The following SKA3 variants were observed in gnomAD, a reference collection of about 807,000 sequenced individuals.
SKA3 encodes spindle and kinetochore-associated protein 3.
SKA3 carries 39 observed loss-of-function variants against 44.2 expected under a neutral mutation model. The ratio of observed to expected loss-of-function variants is 0.88; its 90% CI spans 0.68 to 1.15. The LOEUF is 1.15. SKA3 is among the 50% of genes most tolerant of loss of function. The pLI, the probability that SKA3 is intolerant of heterozygous loss-of-function variation, is 0.00. For synonymous variants in SKA3, 192 were observed against 172.0 expected (o/e 1.12, Z -0.91); for missense variants, 511 against 485.8 (o/e 1.05, Z -0.49).
At chr13:21,161,185 G>A (rs1464793771) in intron 5 of SKA3, among the ~76,000 whole-genome samples, 1 of 152,126 alleles carries the variant, frequency 6.6e-6, no homozygotes, top group African/African-American at 2.4e-5. Flanking sequence ...TGAGAGGATT[G>A]CTTGAGCCTG....
At chr13:21,174,803 G>A (rs923053360) in intron 1 of SKA3, among the ~76,000 whole-genome samples, 2 of 151,976 alleles carry the variant, frequency 1.3e-5, no homozygotes, top group Admixed American at 1.3e-4. Flanking sequence ...AAGCGCATTT[G>A]TTCCACATCT....
intron 1 of SKA3, among the ~76,000 whole-genome samples, chr13:21,174,920 T>C (rs1871366196): frequency 1.3e-5 from 2 of 152,102 alleles, no homozygotes; most frequent in African/African-American, 4.8e-5. Flanking sequence ...CTAATGAAAT[T>C]TGCATTTCCT....
chr13:21,155,694 A>G lies in SKA3; in HGVS notation c.1237T>C (p.Ter413ArgextTer11). Residue 413 changes from the stop codon to arginine (R), a stop_lost and splice_region_variant, in exon 8 of 9, where the codon TGA (stop) becomes CGA (arginine). Coordinates refer to ENST00000314759, the MANE Select transcript of SKA3 (RefSeq NM_145061.6). ...NIRDVSNKEN* is the reference protein window; with the variant it reads ...NIRDVSNKENR ...TCTTTACAAAGGTAACATACTCACC[A>G]GTTTTCTTTGTTGCTGACATCTCGG... 6.4e-7 allele frequency: 1 copy of G among 1,555,246 alleles called. No individual in the cohort carries two copies. The highest frequency in any genetic ancestry group is 8.9e-7 in the Non-Finnish European group (1 of 1,127,730).
intron 4 of SKA3, among the ~76,000 whole-genome samples, chr13:21,165,175 A>T (rs960511540): frequency 3.3e-5 from 5 of 152,016 alleles, no homozygotes; most frequent in East Asian, 1.9e-4. Flanking sequence ...TTACTTCAAA[A>T]ATACCTTCAG....
At position 21,155,700 on chromosome 13, in the gene SKA3, CTTT is replaced by C. The variant is rs756268253; in HGVS notation, c.1228_1230del (p.Lys410del). 4.4e-6 allele frequency: 7 copies of C among 1,585,106 alleles called. No individual in the cohort carries two copies. The highest frequency in any genetic ancestry group is 6.1e-6 in the Non-Finnish European group (7 of 1,155,142). ...CAAAGGTAACATACTCACCAGTTTTCTTTGTTGCTGACATCTCGGATGTTCTGT... is the reference window on the plus strand; with the variant it reads ...CAAAGGTAACATACTCACCAGTTTTCGTTGCTGACATCTCGGATGTTCTGT... On this transcript the variant is annotated inframe_deletion, in exon 8 of 9. Transcript: ENST00000314759.
chr13:21,176,294 T>C, intron 1 of SKA3, 81 bp downstream of exon 1: 2 of 1,223,386 alleles, frequency 1.6e-6, no homozygotes, highest in Non-Finnish European at 1.1e-6. Context: ...GCGGTTCCCG[T>C]GGGACATACC....
chr13:21,167,155 T>G (rs1870755645), intron 4 of SKA3, among the ~76,000 whole-genome samples: 1 of 152,190 alleles, frequency 6.6e-6, no homozygotes, highest in African/African-American at 2.4e-5. Context: ...AAAACCAACA[T>G]GTAAACACAT....
At chr13:21,156,532 C>T (rs900893457) in intron 7 of SKA3, among the ~76,000 whole-genome samples, 8 of 152,066 alleles carry the variant, frequency 5.3e-5, no homozygotes, top group African/African-American at 1.9e-4. Flanking sequence ...AGAGATGAAG[C>T]AACCATAGGG....
chr13:21,163,769 G>T (rs542871797), intron 4 of SKA3, among the ~76,000 whole-genome samples: 91 of 152,120 alleles, frequency 6.0e-4, no homozygotes, highest in Middle Eastern at 3.4e-3. Context: ...TTCTTCTGGG[G>T]TTTTTTTGTT....
intron 4 of SKA3, among the ~76,000 whole-genome samples, chr13:21,166,009 G>A (rs1870694619): frequency 1.3e-5 from 2 of 151,940 alleles, no homozygotes; most frequent in Non-Finnish European, 1.5e-5. Context: ...GCTTTTTGGA[G>A]CTTGTTATCT....
chr13:21,166,403 A>G (rs566405504), intron 4 of SKA3, among the ~76,000 whole-genome samples: 2 of 152,296 alleles, frequency 1.3e-5, no homozygotes, highest in South Asian at 2.1e-4. Context: ...AAATTTCCCA[A>G]TACTATAACC....
At position 21,176,386 on chromosome 13, in the gene SKA3, C is replaced by A; in HGVS notation, c.92G>T (p.Gly31Val). Residue 31 changes from glycine (G) to valine (V), a missense_variant, in exon 1 of 9, where the codon GGA becomes GTA. Coordinates refer to ENST00000314759, the MANE Select transcript of SKA3 (RefSeq NM_145061.6). ...CCCGCCTCACGCACCGCTTTCCTCT[C>A]CGTCCAGCGCTCGCTGCAGCCGGGC... ...ETARLQRALD[G>V]EESDFEDYPM... is the part of the protein sequence containing the mutation. 1 of 1,571,644 alleles carries A rather than the reference C, an allele frequency of 6.4e-7. No individual in the cohort carries two copies. Among genetic ancestry groups the A allele is most frequent in the South Asian group, 1.2e-5 (1 of 86,382 alleles).
chr13:21,161,778 T>G lies in SKA3; in HGVS notation c.829+12A>C. The G allele has an allele frequency of 6.2e-7, 1 of 1,602,770 alleles. No homozygotes were observed. The highest frequency in any genetic ancestry group is 1.3e-5 in the African/African-American group (1 of 74,718). ...AAATGTTCCTGAGAAGTAACTTGAT[T>G]CTTATACTTACCACTTTTTTCCAAC... On this transcript the variant is annotated intron_variant, in intron 5 of 8. Coordinates refer to ENST00000314759, the MANE Select transcript of SKA3 (RefSeq NM_145061.6).
chr13:21,160,043 G>A, intron 5 of SKA3, 56 bp from the exon 6 acceptor site: 1 of 1,286,604 alleles, frequency 7.8e-7, no homozygotes, highest in African/African-American at 1.5e-5. Flanking sequence ...TGCTTAACTG[G>A]ACAGGAAGAA....
intron 7 of SKA3, among the ~76,000 whole-genome samples, chr13:21,156,131 G>A (rs1447581997): frequency 6.8e-6 from 1 of 147,618 alleles, no homozygotes; most frequent in Non-Finnish European, 1.5e-5. Flanking sequence ...AGGTTGCAGT[G>A]AGCTGAGATC....
chr13:21,162,736 AAT>A (rs1870506682), intron 4 of SKA3, among the ~76,000 whole-genome samples: 1 of 152,134 alleles, frequency 6.6e-6, no homozygotes, highest in African/African-American at 2.4e-5. Context: ...TATACAAAAG[AAT>A]ATATATGTTG....
rs1869971683 is a variant in SKA3, at chr13:21,154,311, T to G, written c.*839A>C. The G allele has an allele frequency of 6.6e-6, 1 of 152,304 alleles. No homozygotes were observed. Among genetic ancestry groups the G allele is most frequent in the Non-Finnish European group, 1.5e-5 (1 of 68,118 alleles). 9.4% of individuals were successfully genotyped at this position (152,304 alleles called of 1,614,324 possible). Reference sequence around the variant, plus strand: ...AAGGATCGTAGGCCTGATAAGCAGGTCAACCTGAAGCTACCAGGCAGCTCT... The same window carrying G: ...AAGGATCGTAGGCCTGATAAGCAGGGCAACCTGAAGCTACCAGGCAGCTCT... On this transcript the variant is annotated 3_prime_UTR_variant, in exon 9 of 9. Transcript: ENST00000314759.
rs746308159 is a variant in SKA3, at chr13:21,176,412, C to G, written c.66G>C (p.Thr22=). ...RSLASTLDCE[T]ARLQRALDGE... ...CGTCCAGCGCTCGCTGCAGCCGGGC[C>G]GTCTCGCAGTCCAGCGTGCTGGCCA... is the stretch of plus-strand genomic sequence containing the variant. Residue 22 remains threonine (T), a synonymous_variant, in exon 1 of 9, where the codon ACG becomes ACC. Coordinates refer to ENST00000314759, the MANE Select transcript of SKA3 (RefSeq NM_145061.6). 6.3e-7 allele frequency: 1 copy of G among 1,583,634 alleles called. No homozygotes were observed.
In SKA3 at chr13:21,168,101, C is replaced by A. The variant is rs147994613; in HGVS notation, c.630G>T (p.Met210Ile). Residue 210 changes from methionine to isoleucine, a missense_variant, in exon 4 of 9, where the codon ATG becomes ATT. Met to Ile is a conservative substitution (Grantham distance 10). Transcript: ENST00000314759. ...VLKTPKCALK[M>I]DDFECVTPKL... The stretch of plus-strand genomic sequence containing the variant: ...TAGGAGTTACACACTCAAAATCATC[C>A]ATTTTTAGTGCACATTTTGGAGTTT... 2.3e-4 allele frequency: 372 copies of A among 1,614,000 alleles called. No individual in the cohort carries two copies. Among genetic ancestry groups the A allele is most frequent in the Non-Finnish European group, 3.0e-4 (353 of 1,179,982 alleles).
Sources: allele counts gnomAD v4.1 joint callset (sites outside exome capture counted in the v4.1 genomes callset), GRCh38; gene constraint gnomAD v4.1.1; transcripts MANE v1.5; gene names NCBI Gene and HGNC (gene_info 2026-07-23, HGNC 2026-07-21).